PLAA: variants seen among roughly 807,000 people sequenced by gnomAD.
PLAA encodes phospholipase A-2-activating protein.
Under a neutral mutation model 84.1 loss-of-function variants are expected in PLAA, and 48 were observed. That is an observed-to-expected ratio of 0.57 (90% confidence interval 0.45 to 0.73). The LOEUF is 0.73. Ranked by LOEUF, PLAA falls within the 30% of genes least tolerant of loss-of-function variation. The probability of loss-of-function intolerance (pLI) is 0.00; values close to 1 mark genes in which losing one functional copy is unlikely to be tolerated. For synonymous variants in PLAA, 392 were observed against 336.6 expected (o/e 1.16, Z -1.80); for missense variants, 903 against 954.7 (o/e 0.95, Z 0.71).
intron 1 of PLAA, among the ~76,000 whole-genome samples, chr9:26,936,892 G>C (rs1825377227): frequency 6.6e-6 from 1 of 152,154 alleles, no homozygotes; most frequent in African/African-American, 2.4e-5. Context: ...TGTAATCCTA[G>C]CACTTTGGGA....
rs1318704545 is a variant in PLAA at position 26,945,178 on chromosome 9, G to C, written c.149+1719C>G. Among the ~76,000 whole-genome samples the C allele has an allele frequency of 2.6e-5, 4 of 151,918 alleles. 1 individual carries two copies. The highest frequency in any genetic ancestry group is 2.6e-4 in the Admixed American group (4 of 15,254). On this transcript the variant is annotated intron_variant, in intron 1 of 13. Coordinates refer to ENST00000397292, the MANE Select transcript of PLAA (RefSeq NM_001031689.3). ...GAACAACAAAATCACTTTTCAAATA[G>C]AGAATCAGTTCAGCCCAAAGTTCTT...
In PLAA at chr9:26,920,308, C is replaced by T; in HGVS notation, c.1116G>A (p.Gly372=). 1 of 1,613,730 alleles carries T rather than the reference C, an allele frequency of 6.2e-7. No homozygotes were observed. Among genetic ancestry groups the T allele is most frequent in the East Asian group, 2.2e-5 (1 of 44,852 alleles). ...VEAYQWSVSE[G]RWIKIGDVVG... is the part of the protein sequence containing the mutation. ...CAACATCACCAATTTTTATCCACCTCCCTTCACTAACACTCCACTGATAGG... is the reference window on the plus strand; with the variant it reads ...CAACATCACCAATTTTTATCCACCTTCCTTCACTAACACTCCACTGATAGG... Residue 372 remains glycine (G), a synonymous_variant, in exon 8 of 14, where the codon GGG becomes GGA. Coordinates refer to ENST00000397292, the MANE Select transcript of PLAA (RefSeq NM_001031689.3).
At chr9:26,941,041 T>A (rs1825518025) in intron 1 of PLAA, among the ~76,000 whole-genome samples, 1 of 152,102 alleles carries the variant, frequency 6.6e-6, no homozygotes, top group Non-Finnish European at 1.5e-5. Flanking sequence ...AAGTTCTTAA[T>A]GGCAGAATCC....
At chr9:26,913,275 T>A (rs1351105109) in intron 11 of PLAA, among the ~76,000 whole-genome samples, 1 of 152,096 alleles carries the variant, frequency 6.6e-6, no homozygotes, top group Non-Finnish European at 1.5e-5. Flanking sequence ...TGGCAGCCAA[T>A]ACAGAGGAAA....
At chr9:26,933,524 C>T (rs999503249) in intron 2 of PLAA, among the ~76,000 whole-genome samples, 12 of 151,830 alleles carry the variant, frequency 7.9e-5, no homozygotes, top group Admixed American at 6.6e-4. Context: ...CGCAGTGGCT[C>T]ACGCCTGTAA....
chr9:26,918,448 ACATG>A (rs1382728090), intron 9 of PLAA, among the ~76,000 whole-genome samples: 1 of 152,054 alleles, frequency 6.6e-6, no homozygotes, highest in Non-Finnish European at 1.5e-5. Flanking sequence ...ATTTAAATCA[ACATG>A]CAGGTAACAT....
intron 1 of PLAA, among the ~76,000 whole-genome samples, chr9:26,942,834 G>A (rs1211493402): frequency 1.4e-5 from 2 of 141,266 alleles, no homozygotes; most frequent in Non-Finnish European, 3.0e-5. Flanking sequence ...AGCCGAGACA[G>A]CGCCACTGCA....
rs1396195042 is a variant in PLAA, at chr9:26,903,586, T to C, written c.*1925A>G. Among the ~76,000 whole-genome samples, 1 of 152,194 alleles carries C rather than the reference T, an allele frequency of 6.6e-6. No homozygotes were observed. Among genetic ancestry groups the C allele is most frequent in the Non-Finnish European group, 1.5e-5 (1 of 68,010 alleles). On this transcript the variant is annotated 3_prime_UTR_variant, in exon 14 of 14. Coordinates refer to ENST00000397292, the MANE Select transcript of PLAA (RefSeq NM_001031689.3). ...TTTGGGGTGTGTGTGTTTTACTCAA[T>C]AAATATTTATTACTTTTGTATTCAG...
Position 26,905,495 on chromosome 9 carries a change from T to G in PLAA, c.*16A>C. The G allele has an allele frequency of 6.5e-7, 1 of 1,548,550 alleles. No individual in the cohort carries two copies. The highest frequency in any genetic ancestry group is 8.8e-7 in the Non-Finnish European group (1 of 1,136,756). On this transcript the variant is annotated 3_prime_UTR_variant, in exon 14 of 14. Transcript: ENST00000397292. ...AACACTAATCAATTAAAAATATCCG[T>G]CCCTCTTCCCCACTGCTACAGCAAA...
chr9:26,928,061 A>T (rs1338598716), intron 4 of PLAA, 39 bp downstream of exon 4: 2 of 1,562,470 alleles, frequency 1.3e-6, no homozygotes, highest in African/African-American at 2.8e-5. Context: ...AGCAAATAAA[A>T]AGCAATGATA....
chr9:26,929,362 C>T (rs183300545), intron 2 of PLAA, among the ~76,000 whole-genome samples: 10 of 151,760 alleles, frequency 6.6e-5, no homozygotes, highest in Non-Finnish European at 1.3e-4. Flanking sequence ...CATGGTGTCA[C>T]GCGCCTGTCG....
chr9:26,935,175 T>C lies in PLAA; in HGVS notation c.181A>G (p.Met61Val). The change falls in exon 2 of 14, where the codon ATG (methionine) becomes GTG (valine). Residue 61 changes from methionine (M) to valine (V), a missense_variant. Coordinates refer to ENST00000397292, the MANE Select transcript of PLAA (RefSeq NM_001031689.3). ...PNRSFTEMHC[M>V]SGHSNFVSCV... ...GATACAAAATTGGAATGGCCACTCA[T>C]ACAGTGCATTTCTGTAAAGCTCCTG... 6 of 1,592,690 alleles carry C rather than the reference T, an allele frequency of 3.8e-6. No homozygotes were observed. The South Asian group carries it at 4.6e-5, about 12-fold the overall frequency.
intron 6 of PLAA, among the ~76,000 whole-genome samples, chr9:26,924,394 A>G (rs1419865213): frequency 6.6e-6 from 1 of 152,122 alleles, no homozygotes; most frequent in African/African-American, 2.4e-5. Context: ...TGGACCTACC[A>G]AAGTGCTGGG....
chr9:26,918,550 G>A lies in PLAA; in HGVS notation c.1417+760C>T, dbSNP rs181284721. Among the ~76,000 whole-genome samples the A allele has an allele frequency of 6.4e-4, 98 of 152,160 alleles. 1 individual carries two copies. Among genetic ancestry groups the A allele is most frequent in the African/African-American group, 2.2e-3 (92 of 41,512 alleles). On this transcript the variant is annotated intron_variant, in intron 9 of 13. Transcript: ENST00000397292. The stretch of plus-strand genomic sequence containing the variant: ...GTGGAGTAGCTGTCAGGGAAGAAAA[G>A]GTGGATCTACATAAGGATTTGAGAC...
rs10967606 is a variant in PLAA, at chr9:26,929,862, C to T, written c.344-1454G>A. ...TTTGATGAAGCTGAATCGTTGATGACCAGAAAGCATGCTGTGGTAACTCTC... is the reference window on the plus strand; with the variant it reads ...TTTGATGAAGCTGAATCGTTGATGATCAGAAAGCATGCTGTGGTAACTCTC... On this transcript the variant is annotated intron_variant, in intron 2 of 13. Transcript: ENST00000397292. Among the ~76,000 whole-genome samples, 1,354 of 152,208 alleles carry T rather than the reference C, an allele frequency of 8.9e-3. 16 individuals carry two copies. Among genetic ancestry groups the T allele is most frequent in the African/African-American group, 0.031 (1,271 of 41,508 alleles).
At position 26,917,138 on chromosome 9, in the gene PLAA, G is replaced by GT; in HGVS notation, c.1444_1445insA (p.Ser482TyrfsTer5). On this transcript the variant is annotated frameshift_variant, in exon 10 of 14. Coordinates refer to ENST00000397292, the MANE Select transcript of PLAA (RefSeq NM_001031689.3). LOFTEE classifies it high-confidence loss of function. ...TGTGGGTAGTGTGTTAGAAGATCCCGAAGAGCCCGGAACATACCGACCACC... is the reference window on the plus strand; with the variant it reads ...TGTGGGTAGTGTGTTAGAAGATCCCGTAAGAGCCCGGAACATACCGACCACC... 1 of 1,613,864 alleles carries GT rather than the reference G, an allele frequency of 6.2e-7. No individual in the cohort carries two copies. The highest frequency in any genetic ancestry group is 1.7e-5 in the Admixed American group (1 of 59,998).
intron 1 of PLAA, among the ~76,000 whole-genome samples, chr9:26,941,287 TG>T (rs1317801171): frequency 6.6e-6 from 1 of 151,732 alleles, no homozygotes; most frequent in Non-Finnish European, 1.5e-5. Flanking sequence ...AATCTTTGAA[TG>T]GGGGGACATA....
chr9:26,917,031 A>G (rs781040307), intron 10 of PLAA, 66 bp downstream of exon 10: 40 of 1,299,206 alleles, frequency 3.1e-5, no homozygotes, highest in Non-Finnish European at 4.4e-5. Flanking sequence ...CAAGATGTAA[A>G]GCCATGTGAT....
chr9:26,904,556 A>G lies in PLAA; in HGVS notation c.*955T>C, dbSNP rs1824171198. 2 of 152,044 alleles carry G rather than the reference A, an allele frequency of 1.3e-5. No individual in the cohort carries two copies. 9.4% of individuals were successfully genotyped at this position (152,044 alleles called of 1,614,324 possible). A position where few individuals can be genotyped will look rare whatever the true frequency, so the allele number is the denominator to read the frequency against. ...ATTCATCCTATTATGTCTACTTCTG[A>G]AAGCAGAGATAATACTGGCCCTCAT... On this transcript the variant is annotated 3_prime_UTR_variant, in exon 14 of 14. Transcript: ENST00000397292.
Sources: gnomAD v4.1 joint callset for allele counts (sites outside exome capture counted in the v4.1 genomes callset) on GRCh38, gnomAD v4.1.1 for gene constraint, MANE v1.5 for transcripts, NCBI Gene and HGNC (gene_info 2026-07-23, HGNC 2026-07-21) for gene names.